The following WDR81 variants were observed in gnomAD, a reference collection of about 807,000 sequenced individuals.
The protein encoded by WDR81 is WD repeat-containing protein 81.
In WDR81, 92 loss-of-function variants were observed where a neutral mutation model predicts 140.8. The observed-to-expected ratio is 0.65, with a 90% CI of 0.55 to 0.78. The LOEUF (loss-of-function observed/expected upper bound fraction) is 0.78, where lower values mean the gene tolerates loss of function less well. Ranked by LOEUF, WDR81 falls within the 30% of genes least tolerant of loss-of-function variation. The pLI is 0.00. For synonymous variants in WDR81, 1,183 were observed against 1,156.4 expected (o/e 1.02, Z -0.47); for missense variants, 2,502 against 2,636.4 (o/e 0.95, Z 1.12).
rs1441067345 is a variant in WDR81 at position 1,726,361 on chromosome 17, C to T, written c.1402C>T (p.Arg468Cys). 1.4e-5 allele frequency: 21 copies of T among 1,548,874 alleles called. No homozygotes were observed. The highest frequency in any genetic ancestry group is 1.8e-5 in the Non-Finnish European group (21 of 1,146,032). Reference protein sequence around the residue: ...TPRSVLCGHVRAQWEPHEYPA... With the variant: ...TPRSVLCGHVCAQWEPHEYPA... ...TCGGTCGGTGCTCTGCGGACACGTC[C>T]GCGCGCAGTGGGAGCCCCATGAGTA... Residue 468 changes from arginine to cysteine, a missense_variant, in exon 1 of 10, where the codon CGC (arginine) becomes TGC (cysteine). This residue lies in a region of WDR81 where 218 missense variants were observed against 279.6 expected (regional missense o/e 0.78). Transcript: ENST00000409644.
In WDR81 at chr17:1,726,286, GA is replaced by G; in HGVS notation, c.1328del (p.Asp443AlafsTer83). 8 of 1,541,862 alleles carry G rather than the reference GA, an allele frequency of 5.2e-6. No individual in the cohort carries two copies. Among genetic ancestry groups the G allele is most frequent in the Non-Finnish European group, 7.0e-6 (8 of 1,141,716 alleles). The stretch of plus-strand genomic sequence containing the variant: ...CCCTCATGTTCCCCACCACATCTCA[GA>G]CGTGCTCTCCGACATCACGTACTAT... ...EPPHVPHHIS[D>X]VLSDITYYVY... On this transcript the variant is annotated frameshift_variant, in exon 1 of 10. Transcript: ENST00000409644. LOFTEE classifies it high-confidence loss of function.
intron 1 of WDR81, among the ~76,000 whole-genome samples, chr17:1,719,047 A>G (rs776609641): frequency 1.3e-4 from 20 of 152,000 alleles, no homozygotes; most frequent in Non-Finnish European, 2.8e-4. Flanking sequence ...TTTGACAACC[A>G]AAAGTATCTC....
Position 1,727,251 on chromosome 17 carries a change from G to A in WDR81, c.2292G>A (p.Gln764=). ...QPRVQPAVPL[Q]CLLHRDMQAL... ...GGGTCCAGCCGGCTGTGCCACTGCA[G>A]TGCCTACTCCACAGGGACATGCAGG... is the stretch of plus-strand genomic sequence containing the variant. The change falls in exon 1 of 10, where the codon CAG becomes CAA. Residue 764 remains glutamine (Q), a synonymous_variant. Transcript: ENST00000409644. The A allele has an allele frequency of 6.5e-7, 1 of 1,550,342 alleles. No homozygotes were observed. The highest frequency in any genetic ancestry group is 1.2e-5 in the South Asian group (1 of 84,068).
At chr17:1,723,554 C>T (rs1230552823), upstream of WDR81, among the ~76,000 whole-genome samples, 5 of 150,888 alleles carry the variant, frequency 3.3e-5, no homozygotes, top group African/African-American at 1.2e-4. Context: ...GGCGCCATCT[C>T]GGCTCACTGC....
chr17:1,718,079 C>T (rs532684698), intron 1 of WDR81, among the ~76,000 whole-genome samples: 5 of 152,178 alleles, frequency 3.3e-5, no homozygotes, highest in African/African-American at 1.2e-4. Flanking sequence ...TGATGGGATC[C>T]TCCTGCTTTT....
At chr17:1,719,115 G>A (rs540576692) in intron 1 of WDR81, among the ~76,000 whole-genome samples, 2 of 152,296 alleles carry the variant, frequency 1.3e-5, no homozygotes, top group Admixed American at 1.3e-4. Flanking sequence ...GAACTACTGT[G>A]TTAGGCACAC....
chr17:1,728,568 A>G lies in WDR81; in HGVS notation c.3609A>G (p.Glu1203=), dbSNP rs1204169774. 6.6e-7 allele frequency: 1 copy of G among 1,515,844 alleles called. No individual in the cohort carries two copies. The highest frequency in any genetic ancestry group is 8.9e-7 in the Non-Finnish European group (1 of 1,124,944). 93.9% of individuals were successfully genotyped at this position (1,515,844 alleles called of 1,614,324 possible). The stretch of plus-strand genomic sequence containing the variant: ...CCGGCGGCAGTGGGGGAGATGGAGA[A>G]GAAGAGGAGGAGGCACTGCCTGAGC... The part of the protein sequence containing the change: ...VVAGGSGGDG[E]EEEEALPEQS... Residue 1203 remains glutamate, a synonymous_variant, in exon 1 of 10, where the codon GAA becomes GAG. Coordinates refer to ENST00000409644, the MANE Select transcript of WDR81 (RefSeq NM_001163809.2).
chr17:1,728,185 C>T lies in WDR81; in HGVS notation c.3226C>T (p.Gln1076Ter), dbSNP rs1225696669. The T allele has an allele frequency of 3.1e-6, 5 of 1,605,360 alleles. No individual in the cohort carries two copies. The highest frequency in any genetic ancestry group is 4.3e-6 in the Non-Finnish European group (5 of 1,174,324). The change falls in exon 1 of 10, where the codon CAG becomes TAG. Residue 1076 changes from glutamine (Q) to a stop codon, truncating the protein, a stop_gained. Transcript: ENST00000409644. LOFTEE classifies it high-confidence loss of function. ...CACGTCTGGCGTCAGCTTCCACGAC[C>T]AGGCTGACCTCCCTGAGACAGAGGA... ...DYTSGVSFHDQADLPETEDFQ... is the reference protein window; with the variant it reads ...DYTSGVSFHD
rs762607878 is a variant in WDR81 at position 1,736,048 on chromosome 17, C to A, written c.5335C>A (p.Arg1779=). 36 of 1,597,356 alleles carry A rather than the reference C, an allele frequency of 2.3e-5. No individual in the cohort carries two copies. Among genetic ancestry groups the A allele is most frequent in the Non-Finnish European group, 3.0e-5 (35 of 1,178,278 alleles). The change falls in exon 9 of 10, where the codon CGA becomes AGA. Residue 1779 remains arginine, a synonymous_variant. Transcript: ENST00000409644. ...CGCCCTCTCCCTGCAGCACGAGTTC[C>A]GACTGGGCGGTGGGCTGAACCCTGG... ...CRKPGLQHEF[R]LGGGLNPGLV...
Position 1,737,417 on chromosome 17 carries a change from T to G in WDR81, c.5558T>G (p.Val1853Gly), listed in dbSNP as rs1391860687. The G allele has an allele frequency of 1.2e-6, 2 of 1,612,758 alleles. No homozygotes were observed. Among genetic ancestry groups the G allele is most frequent in the Non-Finnish European group, 1.7e-6 (2 of 1,179,952 alleles). ...TCCTCCTCTGACCATTCCTTGACCG[T>G]CTGGAAGGAGCTGGAGCAGAAGCCC... ...VSSSSDHSLT[V>G]WKELEQKPTH... The change falls in exon 10 of 10, where the codon GTC (valine) becomes GGC (glycine). Residue 1853 changes from valine to glycine, a missense_variant. Transcript: ENST00000409644.
Position 1,726,353 on chromosome 17 carries a change from G to C in WDR81, c.1394G>C (p.Gly465Ala). The C allele has an allele frequency of 6.5e-7, 1 of 1,547,754 alleles. No homozygotes were observed. Among genetic ancestry groups the C allele is most frequent in the Non-Finnish European group, 8.7e-7 (1 of 1,145,166 alleles). ...ARRTPRSVLC[G>A]HVRAQWEPHE... ...CGCACGCCTCGGTCGGTGCTCTGCG[G>C]ACACGTCCGCGCGCAGTGGGAGCCC... The change falls in exon 1 of 10, where the codon GGA becomes GCA. Residue 465 changes from glycine (G) to alanine (A), a missense_variant. By Grantham distance (60) the Gly-to-Ala change is moderately conservative. Transcript: ENST00000409644.
In WDR81 at chr17:1,730,770, A is replaced by G. The variant is rs2151169119; in HGVS notation, c.3791A>G (p.Gln1264Arg). 1 of 1,610,730 alleles carries G rather than the reference A, an allele frequency of 6.2e-7. No homozygotes were observed. The highest frequency in any genetic ancestry group is 8.5e-7 in the Non-Finnish European group (1 of 1,179,050). Residue 1264 changes from glutamine to arginine, a missense_variant, in exon 3 of 10, where the codon CAG becomes CGG. Coordinates refer to ENST00000409644, the MANE Select transcript of WDR81 (RefSeq NM_001163809.2). The stretch of plus-strand genomic sequence containing the variant: ...TCCGTGGCAGGACCCACTCGGCAGC[A>G]GTTCACAGTGAGCAGTGGCGAGAGC... Reference protein sequence around the residue: ...TSCYVGPTRQQFTVSSGESPP... With the variant: ...TSCYVGPTRQRFTVSSGESPP...
rs766326721 is a variant in WDR81 at position 1,734,083 on chromosome 17, C to T, written c.5046C>T (p.Asp1682=). 65 of 1,603,040 alleles carry T rather than the reference C, an allele frequency of 4.1e-5. 1 individual carries two copies. Among genetic ancestry groups the T allele is most frequent in the East Asian group, 2.0e-4 (9 of 44,840 alleles). ...TCTGGCCGCTGTACAACTACGGCGA[C>T]GGGACCAGCGAGACGGCCCCACGCC... The part of the protein sequence containing the change: ...VRLWPLYNYG[D]GTSETAPRLV... Residue 1682 remains aspartate, a synonymous_variant, in exon 7 of 10, where the codon GAC becomes GAT. Transcript: ENST00000409644.
intron 5 of WDR81, 26 bp from the exon 6 acceptor site, chr17:1,732,640 T>G (rs1279004642): frequency 6.3e-7 from 1 of 1,585,796 alleles, no homozygotes; most frequent in African/African-American, 1.3e-5. Flanking sequence ...TGGACCCGGC[T>G]GACCCCCTGG....
intron 6 of WDR81, 102 bp from the exon 7 acceptor site, chr17:1,733,425 G>A (rs1904542269): frequency 8.2e-7 from 1 of 1,214,610 alleles, no homozygotes; most frequent in African/African-American, 1.5e-5. Flanking sequence ...GAGTTGCAGA[G>A]CCAGTTCCTG....
chr17:1,733,657 C>G lies in WDR81; in HGVS notation c.4620C>G (p.Pro1540=). 1.9e-6 allele frequency: 3 copies of G among 1,607,976 alleles called. No homozygotes were observed. Among genetic ancestry groups the G allele is most frequent in the Non-Finnish European group, 2.5e-6 (3 of 1,177,088 alleles). ...AGCCCACCATGCCCGGCACCGGGCC[C>G]GAGTGGGACCCCCATGGTGGGGGCT... The part of the protein sequence containing the change: ...SVEPTMPGTG[P]EWDPHGGGCP... Residue 1540 remains proline, a synonymous_variant, in exon 7 of 10, where the codon CCC becomes CCG. Transcript: ENST00000409644.
At chr17:1,732,552 T>A in intron 5 of WDR81, 62 bp downstream of exon 5, 3 of 1,586,964 alleles carry the variant, frequency 1.9e-6, no homozygotes, top group Non-Finnish European at 2.6e-6. Context: ...GGTGACCCCC[T>A]GGGCATCTTG....
chr17:1,725,858 G>A lies in WDR81; in HGVS notation c.899G>A (p.Arg300Gln), dbSNP rs1340180028. ...AVDEKLCSEL[R>Q]LDLSAYERPE... Reference sequence around the variant, plus strand: ...GATGAGAAGCTTTGCAGCGAGCTGCGACTGGACCTGAGTGCTTATGAGAGG... The same window carrying A: ...GATGAGAAGCTTTGCAGCGAGCTGCAACTGGACCTGAGTGCTTATGAGAGG... Residue 300 changes from arginine to glutamine, a missense_variant, in exon 1 of 10, where the codon CGA (arginine) becomes CAA (glutamine). Around this residue, in one of 3 missense-constraint regions of WDR81, gnomAD observed 547 missense variants for 513.8 expected, o/e 1.06. Transcript: ENST00000409644. The A allele has an allele frequency of 5.2e-6, 8 of 1,550,602 alleles. No individual in the cohort carries two copies. The African/African-American group carries it at 5.5e-5, about 11-fold the overall frequency.
intron 4 of WDR81, 127 bp downstream of exon 4, chr17:1,731,385 G>C (rs891318989): frequency 1.8e-4 from 220 of 1,191,758 alleles, no homozygotes; most frequent in Non-Finnish European, 2.5e-4. Flanking sequence ...TTTTGATCCC[G>C]GCTGTGTGAC....
Sources: allele counts gnomAD v4.1 joint callset (sites outside exome capture counted in the v4.1 genomes callset), GRCh38; gene constraint gnomAD v4.1.1; regional missense constraint gnomAD v4.1.1; transcripts MANE v1.5; gene names NCBI Gene and HGNC (gene_info 2026-07-23, HGNC 2026-07-21).